Variants in CD247 observed in about 807,000 individuals in gnomAD.
The protein encoded by CD247 is CD247 molecule.
Under a neutral mutation model 30.0 loss-of-function variants are expected in CD247, and 13 were observed. The observed-to-expected ratio is 0.43, with a 90% CI of 0.28 to 0.69. CD247 has a LOEUF of 0.69. Among genes scored for constraint, CD247 ranks in the 30% least tolerant of loss-of-function variants. CD247 has a pLI of 0.16. For synonymous variants in CD247, 72 were observed against 80.0 expected (o/e 0.90, Z 0.53); for missense variants, 193 against 212.6 (o/e 0.91, Z 0.57).
At chr1:167,498,840 G>A (rs144824225) in intron 1 of CD247, among the ~76,000 whole-genome samples, 43 of 152,230 alleles carry the variant, frequency 2.8e-4, no homozygotes, top group African/African-American at 7.9e-4. Context: ...TGCAGATGGC[G>A]GACACAAGAG....
intron 1 of CD247, among the ~76,000 whole-genome samples, chr1:167,459,140 T>G (rs1474963693): frequency 8.1e-6 from 1 of 124,002 alleles, no homozygotes; most frequent in African/African-American, 4.2e-5. Context: ...GTCTCAAAAA[T>G]TTTAAAAAAA....
chr1:167,486,855 C>T (rs1654229703), intron 1 of CD247, among the ~76,000 whole-genome samples: 1 of 152,094 alleles, frequency 6.6e-6, no homozygotes, highest in Admixed American at 6.5e-5. Context: ...GGGTGGATCA[C>T]CTGAGGTCAG....
At chr1:167,448,824 G>A (rs1185920722) in intron 1 of CD247, among the ~76,000 whole-genome samples, 1 of 152,022 alleles carries the variant, frequency 6.6e-6, no homozygotes, top group Non-Finnish European at 1.5e-5. Context: ...TAGCACCACT[G>A]CACTCCAGCC....
chr1:167,486,342 G>A (rs1008540660), intron 1 of CD247, among the ~76,000 whole-genome samples: 5 of 152,160 alleles, frequency 3.3e-5, no homozygotes, highest in Admixed American at 6.5e-5. Flanking sequence ...GAAGTGCTGC[G>A]GGACATGAGC....
chr1:167,497,334 C>T (rs899464305), intron 1 of CD247, among the ~76,000 whole-genome samples: 1 of 152,012 alleles, frequency 6.6e-6, no homozygotes. Flanking sequence ...TCCAAGTTTT[C>T]CCCAATAAGT....
At chr1:167,514,841 T>C (rs1234942806) in intron 1 of CD247, among the ~76,000 whole-genome samples, 1 of 152,002 alleles carries the variant, frequency 6.6e-6, no homozygotes, top group Non-Finnish European at 1.5e-5. Flanking sequence ...TCTAAGAGAG[T>C]TCCCTCAGGG....
At chr1:167,434,304 T>C in intron 5 of CD247, 1 of 597,024 alleles carries the variant, frequency 1.7e-6, no homozygotes, top group Middle Eastern at 3.8e-4. Flanking sequence ...AGCTGCCAGC[T>C]CTTTGCACTG....
At chr1:167,449,400 C>T (rs1000897950) in intron 1 of CD247, among the ~76,000 whole-genome samples, 1 of 151,574 alleles carries the variant, frequency 6.6e-6, no homozygotes, top group African/African-American at 2.4e-5. Flanking sequence ...GTAATCCACC[C>T]GCCTCAGCCT....
chr1:167,476,538 A>C (rs1197729437), intron 1 of CD247, among the ~76,000 whole-genome samples: 1 of 152,238 alleles, frequency 6.6e-6, no homozygotes, highest in African/African-American at 2.4e-5. Context: ...AATAATAGCT[A>C]GCAGCCAGGT....
chr1:167,459,368 T>G (rs1424686138), intron 1 of CD247, among the ~76,000 whole-genome samples: 15 of 146,574 alleles, frequency 1.0e-4, no homozygotes, highest in African/African-American at 1.8e-4. Context: ...TTTTTTTTTT[T>G]TTGAGATGAA....
chr1:167,435,819 G>A (rs111604851), intron 4 of CD247, among the ~76,000 whole-genome samples: 2,995 of 152,348 alleles, frequency 0.02, 100 homozygotes, highest in African/African-American at 0.067. Flanking sequence ...CTACTGAAAG[G>A]TGCCCTCCCC....
At chr1:167,444,463 G>A (rs990352341) in intron 1 of CD247, among the ~76,000 whole-genome samples, 5 of 152,198 alleles carry the variant, frequency 3.3e-5, no homozygotes, top group Admixed American at 6.5e-5. Context: ...TGTAAAAGTG[G>A]AGAAGCTGTT....
At chr1:167,501,912 C>T (rs773768283) in intron 1 of CD247, among the ~76,000 whole-genome samples, 2 of 152,246 alleles carry the variant, frequency 1.3e-5, no homozygotes, top group Non-Finnish European at 2.9e-5. Context: ...AAAACAAGCT[C>T]TGCCCGCTTG....
chr1:167,471,278 T>C (rs1435774375), intron 1 of CD247, among the ~76,000 whole-genome samples: 1 of 152,220 alleles, frequency 6.6e-6, no homozygotes, highest in Non-Finnish European at 1.5e-5. Flanking sequence ...AAATTGGCTC[T>C]ATCTTTCTGG....
chr1:167,452,393 G>A (rs890839142), intron 1 of CD247, among the ~76,000 whole-genome samples: 6 of 147,548 alleles, frequency 4.1e-5, no homozygotes, highest in African/African-American at 1.2e-4. Context: ...CAGCCTGGGC[G>A]AGGGAGCAAG....
chr1:167,479,333 G>T (rs929348757), intron 1 of CD247, among the ~76,000 whole-genome samples: 5 of 152,182 alleles, frequency 3.3e-5, no homozygotes, highest in African/African-American at 1.2e-4. Context: ...AAACGGGGAG[G>T]AGTGGGATTA....
intron 1 of CD247, among the ~76,000 whole-genome samples, chr1:167,503,479 C>T (rs1354383136): frequency 6.6e-6 from 1 of 152,220 alleles, no homozygotes; most frequent in Non-Finnish European, 1.5e-5. Flanking sequence ...TTCCTCCCTT[C>T]CCCCTGGGAA....
At chr1:167,501,133 C>T (rs1363392321) in intron 1 of CD247, among the ~76,000 whole-genome samples, 1 of 150,960 alleles carries the variant, frequency 6.6e-6, no homozygotes, top group Admixed American at 6.6e-5. Flanking sequence ...CGGCTCACCA[C>T]AACCTCCGCC....
intron 1 of CD247, among the ~76,000 whole-genome samples, chr1:167,473,949 C>G (rs1653642216): frequency 6.6e-6 from 1 of 152,150 alleles, no homozygotes; most frequent in African/African-American, 2.4e-5. Flanking sequence ...ATGGCTGCTC[C>G]TGGCCTGTGC....
Sources: allele counts gnomAD v4.1 joint callset (sites outside exome capture counted in the v4.1 genomes callset), GRCh38; gene constraint gnomAD v4.1.1; transcripts MANE v1.5; gene names NCBI Gene and HGNC (gene_info 2026-07-23, HGNC 2026-07-21).